Variants in PDXK observed in about 807,000 individuals in gnomAD.
PDXK encodes the protein epididymis secretory sperm binding protein Li 1a.
PDXK carries 15 observed loss-of-function variants against 43.2 expected under a neutral mutation model. The observed-to-expected ratio is 0.35, with a 90% CI of 0.23 to 0.53. PDXK has a LOEUF of 0.53. PDXK is among the 20% of genes least tolerant of loss of function. PDXK has a pLI of 0.92. For synonymous variants in PDXK, 172 were observed against 165.4 expected, an observed-to-expected ratio of 1.04 and a Z score of -0.31; for missense variants, 343 against 417.0, an observed-to-expected ratio of 0.82 and a Z score of 1.54.
chr21:43,728,482 G>T (rs2083276099), intron 1 of PDXK, among the ~76,000 whole-genome samples: 1 of 152,164 alleles, frequency 6.6e-6, no homozygotes, highest in African/African-American at 2.4e-5. Flanking sequence ...GGCTGGGGTG[G>T]AGGAGCTCCC....
rs2083928409 is a variant in PDXK, at chr21:43,761,275, C to G, written c.*5212C>G. 1 of 152,454 alleles carries G rather than the reference C, an allele frequency of 6.6e-6. No individual in the cohort carries two copies. The highest frequency in any genetic ancestry group is 2.4e-5 in the African/African-American group (1 of 41,434). 9.4% of individuals were successfully genotyped at this position (152,454 alleles called of 1,614,324 possible). A position where few individuals can be genotyped will look rare whatever the true frequency, so the allele number is the denominator to read the frequency against. On this transcript the variant is annotated 3_prime_UTR_variant, in exon 11 of 11. Coordinates refer to ENST00000291565, the MANE Select transcript of PDXK (RefSeq NM_003681.5). ...CCAGCCTCTCCTTTCTTCCCATCCA[C>G]CAGTATACTGCGGGGCCATTTCTGG...
At chr21:43,725,318 C>T (rs1395601425) in intron 1 of PDXK, among the ~76,000 whole-genome samples, 4 of 151,572 alleles carry the variant, frequency 2.6e-5, no homozygotes, top group African/African-American at 4.9e-5. Flanking sequence ...GCAAGACTCT[C>T]GTCTCAAAAC....
At chr21:43,745,982 G>A (rs2083632107) in intron 4 of PDXK, 97 bp from the exon 5 acceptor site, 1 of 977,560 alleles carries the variant, frequency 1.0e-6, no homozygotes, top group Admixed American at 1.8e-5. Flanking sequence ...GGACAACAGA[G>A]CAAGACCCTG....
At position 43,732,342 on chromosome 21, in the gene PDXK, C is replaced by G; in HGVS notation, c.88-1727C>G. 1 of 1,608,736 alleles carries G rather than the reference C, an allele frequency of 6.2e-7. No individual in the cohort carries two copies. Among genetic ancestry groups the G allele is most frequent in the Non-Finnish European group, 8.5e-7 (1 of 1,176,516 alleles). Reference sequence around the variant, plus strand: ...CACCCCGCCCCCCGTGCATTGTCGTCTTCTGAGTCTGGCTTTGTCTGGCAC... The same window carrying G: ...CACCCCGCCCCCCGTGCATTGTCGTGTTCTGAGTCTGGCTTTGTCTGGCAC... On this transcript the variant is annotated intron_variant, in intron 1 of 10. Coordinates refer to ENST00000291565, the MANE Select transcript of PDXK (RefSeq NM_003681.5). The surrounding 1 kb of genome is among the most constrained non-coding windows in gnomAD (Gnocchi z 4.1).
In PDXK at chr21:43,752,079, G is replaced by A. The variant is rs577692629; in HGVS notation, c.511-439G>A. On this transcript the variant is annotated intron_variant, in intron 7 of 10. Coordinates refer to ENST00000291565, the MANE Select transcript of PDXK (RefSeq NM_003681.5). ...AGGGTCCAGATTCTGCTATGGACAC[G>A]TGCTGGGTGGCGATGCAGCACATGT... is the stretch of plus-strand genomic sequence containing the variant. Among the ~76,000 whole-genome samples, 226 of 151,512 alleles carry A rather than the reference G, an allele frequency of 1.5e-3. 6 individuals carry two copies. The South Asian group carries it at 0.043, about 29-fold the overall frequency.
intron 2 of PDXK, among the ~76,000 whole-genome samples, chr21:43,740,235 G>C (rs1462137797): frequency 6.6e-6 from 1 of 152,080 alleles, no homozygotes; most frequent in African/African-American, 2.4e-5. Flanking sequence ...AAAGCCAAAG[G>C]CGTCCCTTCC....
rs1266493341 is a variant in PDXK at position 43,761,920 on chromosome 21, T to A, written c.*5857T>A. 1.3e-5 allele frequency: 2 copies of A among 153,654 alleles called. No individual in the cohort carries two copies. Among genetic ancestry groups the A allele is most frequent in the Non-Finnish European group, 2.9e-5 (2 of 68,092 alleles). 9.5% of individuals were successfully genotyped at this position (153,654 alleles called of 1,614,324 possible). On this transcript the variant is annotated 3_prime_UTR_variant, in exon 11 of 11. Coordinates refer to ENST00000291565, the MANE Select transcript of PDXK (RefSeq NM_003681.5). Reference sequence around the variant, plus strand: ...TGGCTCCGCGTGGGCCCTTGGAGGGTGCCAGGTGTGTGGTGACCTTCTGGA... The same window carrying A: ...TGGCTCCGCGTGGGCCCTTGGAGGGAGCCAGGTGTGTGGTGACCTTCTGGA...
intron 2 of PDXK, chr21:43,738,038 T>C: frequency 1.0e-6 from 1 of 985,490 alleles, no homozygotes; most frequent in Non-Finnish European, 1.2e-6. Flanking sequence ...GGCCAAGTGC[T>C]GGACGTCTCC....
chr21:43,750,866 CTG>C (rs965036180), intron 7 of PDXK, among the ~76,000 whole-genome samples: 2 of 149,010 alleles, frequency 1.3e-5, no homozygotes, highest in East Asian at 2.0e-4. Context: ...GCATGTGCGT[CTG>C]TGTGCATGTG....
chr21:43,751,888 T>C (rs2083756610), intron 7 of PDXK, among the ~76,000 whole-genome samples: 1 of 152,194 alleles, frequency 6.6e-6, no homozygotes, highest in Non-Finnish European at 1.5e-5. Flanking sequence ...TCCATGTGCT[T>C]TGGGCTGCGT....
Position 43,737,681 on chromosome 21 carries a change from G to T in PDXK, c.142+3558G>T. 1.4e-6 allele frequency: 1 copy of T among 731,100 alleles called. No individual in the cohort carries two copies. Among genetic ancestry groups the T allele is most frequent in the South Asian group, 6.0e-5 (1 of 16,648 alleles). 45.3% of individuals were successfully genotyped at this position (731,100 alleles called of 1,614,324 possible). A position where few individuals can be genotyped will look rare whatever the true frequency, so the allele number is the denominator to read the frequency against. ...TGGAGAAGGCCAGGGCCAGGAGCCT[G>T]CCGACGGACACCAGCGAGGGGCCAG... On this transcript the variant is annotated intron_variant, in intron 2 of 10. Transcript: ENST00000291565. The surrounding 1 kb of genome is among the most constrained non-coding windows in gnomAD (Gnocchi z 4.8).
chr21:43,732,396 C>T lies in PDXK; in HGVS notation c.88-1673C>T, dbSNP rs369518429. ...AAGTTGGATGGGTAGACTCTGGAAG[C>T]GTCCAGACCAGCTTGCGATGCTGAT... On this transcript the variant is annotated intron_variant, in intron 1 of 10. Transcript: ENST00000291565. This position sits in a 1 kb window ranked among gnomAD's most constrained non-coding sequence, Gnocchi z 4.1. 4.9e-5 allele frequency: 79 copies of T among 1,612,842 alleles called. No individual in the cohort carries two copies. The African/African-American group carries it at 5.2e-4, about 11-fold the overall frequency.
chr21:43,746,243 T>G, intron 5 of PDXK, 118 bp downstream of exon 5: 1 of 808,334 alleles, frequency 1.2e-6, no homozygotes, highest in Non-Finnish European at 2.2e-6. Flanking sequence ...TGTCCAGGGG[T>G]AAAAAGACAA....
chr21:43,751,968 A>G (rs1392783432), intron 7 of PDXK, among the ~76,000 whole-genome samples: 1 of 152,158 alleles, frequency 6.6e-6, no homozygotes, highest in Admixed American at 6.5e-5. Context: ...AGAATGGGCC[A>G]CTGCAGCAGC....
rs527350897 is a variant in PDXK, at chr21:43,750,561, G to T, written c.510+16G>T. 7 of 1,605,788 alleles carry T rather than the reference G, an allele frequency of 4.4e-6. No individual in the cohort carries two copies. The East Asian group carries it at 1.3e-4, about 31-fold the overall frequency. On this transcript the variant is annotated intron_variant, in intron 7 of 10. Transcript: ENST00000291565. ...AGCCTTGCGGGTAAGGAGGCCCTCT[G>T]GGGCCTGTGCGGGGCACATGTGCCG...
chr21:43,755,491 G>C (rs558096469), intron 9 of PDXK: 3 of 589,218 alleles, frequency 5.1e-6, no homozygotes, highest in Non-Finnish European at 9.1e-6. Context: ...CTGGGACCGG[G>C]CATCTGCTCA....
At chr21:43,743,029 T>C (rs1316797060) in intron 3 of PDXK, among the ~76,000 whole-genome samples, 1 of 152,094 alleles carries the variant, frequency 6.6e-6, no homozygotes. Context: ...CTTTCAACTG[T>C]GAGGACACCT....
intron 1 of PDXK, 141 bp downstream of exon 1, chr21:43,719,522 G>C: frequency 7.5e-7 from 1 of 1,333,018 alleles, no homozygotes; most frequent in African/African-American, 1.5e-5. Flanking sequence ...AGGCAGGCGC[G>C]GGATGAGCCT....
At chr21:43,742,994 ATGC>A (rs1442975485) in intron 3 of PDXK, among the ~76,000 whole-genome samples, 1 of 152,158 alleles carries the variant, frequency 6.6e-6, no homozygotes, top group Non-Finnish European at 1.5e-5. Flanking sequence ...CTGTTGAGAA[ATGC>A]TGCCGGGTCT....
Sources: allele counts gnomAD v4.1 joint callset (sites outside exome capture counted in the v4.1 genomes callset), GRCh38; gene constraint gnomAD v4.1.1; non-coding constraint Gnocchi (gnomAD v3.1); transcripts MANE v1.5; gene names NCBI Gene and HGNC (gene_info 2026-07-23, HGNC 2026-07-21).